Variants in CMIP observed in about 807,000 individuals in gnomAD.
CMIP encodes the protein c-Maf inducing protein.
In CMIP, 13 loss-of-function variants were observed where a neutral mutation model predicts 97.3. That is an observed-to-expected ratio of 0.13 (90% CI 0.09 to 0.21). The LOEUF (loss-of-function observed/expected upper bound fraction) is 0.21. Ranked by LOEUF, CMIP falls within the 10% of genes least tolerant of loss-of-function variation. The pLI is 1.00. For synonymous variants in CMIP, 538 were observed against 436.3 expected, an observed-to-expected ratio of 1.23 and a Z score of -2.91; for missense variants, 847 against 1,024.9, an observed-to-expected ratio of 0.83 and a Z score of 2.37.
At position 81,600,207 on chromosome 16, in the gene CMIP, C is replaced by T. The variant is rs567434147; in HGVS notation, c.301-7360C>T. ...GGCAGGAGAATCACTTGACGGGAGG[C>T]GGAGGTTGCAGTGAGCCAAGATCGC... On this transcript the variant is annotated intron_variant, in intron 1 of 20. Coordinates refer to ENST00000537098, the MANE Select transcript of CMIP (RefSeq NM_198390.3). Among the ~76,000 whole-genome samples, 47 of 133,502 alleles carry T rather than the reference C, an allele frequency of 3.5e-4. No homozygotes were observed. In the East Asian group the frequency reaches 6.5e-3, roughly 18 times the overall value. The allele number at this position is 133,502 out of a possible 152,430, so 87.6% of individuals were successfully genotyped here.
chr16:81,542,625 G>A (rs1567569388), intron 1 of CMIP, among the ~76,000 whole-genome samples: 2 of 152,192 alleles, frequency 1.3e-5, no homozygotes, highest in South Asian at 4.1e-4. Flanking sequence ...AGAGTTCCAG[G>A]TCAAGGTGCT....
intron 1 of CMIP, among the ~76,000 whole-genome samples, chr16:81,473,753 C>T (rs1033631778): frequency 1.3e-4 from 19 of 149,802 alleles, no homozygotes; most frequent in African/African-American, 4.2e-4. Context: ...AAGCTGCAAG[C>T]GGATGACCCA....
At chr16:81,681,160 A>C (rs1374132784) in intron 10 of CMIP, among the ~76,000 whole-genome samples, 1 of 152,138 alleles carries the variant, frequency 6.6e-6, no homozygotes, top group African/African-American at 2.4e-5. Context: ...GCCCTCCACA[A>C]AATGGGATTA....
At chr16:81,648,028 C>T (rs1274903001) in intron 3 of CMIP, among the ~76,000 whole-genome samples, 2 of 139,046 alleles carry the variant, frequency 1.4e-5, no homozygotes, top group Admixed American at 7.2e-5. Context: ...CCCGCAGAGC[C>T]GTAGCCCACC....
intron 1 of CMIP, among the ~76,000 whole-genome samples, chr16:81,592,099 C>T (rs931985555): frequency 2.6e-5 from 4 of 152,124 alleles, no homozygotes; most frequent in Admixed American, 2.6e-4. Flanking sequence ...GCCGGGATTA[C>T]AGGCATGAGC....
chr16:81,703,469 A>C (rs1188315982), intron 17 of CMIP, among the ~76,000 whole-genome samples: 1 of 152,034 alleles, frequency 6.6e-6, no homozygotes, highest in African/African-American at 2.4e-5. Flanking sequence ...CCTGATGCAC[A>C]GACACAGACA....
intron 1 of CMIP, among the ~76,000 whole-genome samples, chr16:81,550,122 G>T (rs2090624171): frequency 6.6e-6 from 1 of 152,184 alleles, no homozygotes; most frequent in African/African-American, 2.4e-5. Context: ...TACACACTGA[G>T]CACCCTGCCC....
chr16:81,490,869 G>C (rs1242477461), intron 1 of CMIP, among the ~76,000 whole-genome samples: 1 of 152,146 alleles, frequency 6.6e-6, no homozygotes, highest in Non-Finnish European at 1.5e-5. Flanking sequence ...CTTGAGATGG[G>C]GCAGGCATCG....
intron 3 of CMIP, among the ~76,000 whole-genome samples, chr16:81,626,241 ATGTG>A (rs1224488228): frequency 1.0e-5 from 1 of 98,786 alleles, no homozygotes; most frequent in Non-Finnish European, 2.5e-5. Context: ...GTAAGAGTGA[ATGTG>A]TGAGTGTGTG....
At position 81,471,636 on chromosome 16, in the gene CMIP, A is replaced by C. The variant is rs61237924; in HGVS notation, c.300+26095A>C. Among the ~76,000 whole-genome samples, 49 of 152,342 alleles carry C rather than the reference A, an allele frequency of 3.2e-4. 1 individual carries two copies. In the South Asian group the frequency reaches 0.01, roughly 32 times the overall value. The stretch of plus-strand genomic sequence containing the variant: ...TCTCATCCTTGGGGGATATGTGTCA[A>C]GATTCCCAGTAGATGCCTGAAATGG... On this transcript the variant is annotated intron_variant, in intron 1 of 20. Transcript: ENST00000537098.
rs139318944 is a variant in CMIP, at chr16:81,668,463, G to A, written c.826-1679G>A. Among the ~76,000 whole-genome samples, 497 of 152,278 alleles carry A rather than the reference G, an allele frequency of 3.3e-3. 1 individual carries two copies. Among genetic ancestry groups the A allele is most frequent in the Non-Finnish European group, 4.2e-3 (285 of 68,008 alleles). On this transcript the variant is annotated intron_variant, in intron 7 of 20. Coordinates refer to ENST00000537098, the MANE Select transcript of CMIP (RefSeq NM_198390.3). ...GCTGGGCGCCGACTTCCTGCCTCCT[G>A]GCAGAGCTCTCTGTGCCGTGGCCCC...
At chr16:81,482,789 A>G (rs117694509) in intron 1 of CMIP, among the ~76,000 whole-genome samples, 149 of 152,326 alleles carry the variant, frequency 9.8e-4, no homozygotes, top group Non-Finnish European at 1.7e-3. Context: ...ACTCCACCAC[A>G]TCCTAAGCTG....
At chr16:81,643,884 G>C (rs2092334183) in intron 3 of CMIP, among the ~76,000 whole-genome samples, 1 of 152,186 alleles carries the variant, frequency 6.6e-6, no homozygotes. Flanking sequence ...TGTATATAGT[G>C]ATGGCAGCCC....
chr16:81,524,233 A>G (rs561951789), intron 1 of CMIP, among the ~76,000 whole-genome samples: 22 of 152,206 alleles, frequency 1.4e-4, no homozygotes, highest in Non-Finnish European at 2.2e-4. Context: ...GATTCTCTCA[A>G]TTGCTCAGCA....
intron 1 of CMIP, among the ~76,000 whole-genome samples, chr16:81,524,289 T>C (rs551811571): frequency 6.6e-6 from 1 of 152,208 alleles, no homozygotes; most frequent in Non-Finnish European, 1.5e-5. Flanking sequence ...GGGGGTAACA[T>C]GGCACATGAA....
rs1035139411 is a variant in CMIP at position 81,673,404 on chromosome 16, T to C, written c.1034+1334T>C. ...ATGGTGGTACATGACTGTACTCAGC[T>C]ACTCAGGAGGCTGAGGCGGGAGAAT... On this transcript the variant is annotated intron_variant, in intron 9 of 20. Coordinates refer to ENST00000537098, the MANE Select transcript of CMIP (RefSeq NM_198390.3). Among the ~76,000 whole-genome samples the C allele has an allele frequency of 2.7e-4, 41 of 152,278 alleles. 1 individual carries two copies. The highest frequency in any genetic ancestry group is 2.4e-3 in the Admixed American group (37 of 15,296).
intron 1 of CMIP, among the ~76,000 whole-genome samples, chr16:81,604,594 G>A (rs1029223758): frequency 2.2e-4 from 33 of 152,064 alleles, no homozygotes; most frequent in African/African-American, 7.7e-4. Flanking sequence ...TCAGCTTCTC[G>A]GGAGGCTGAG....
At chr16:81,551,225 ACACACACCCCAGTTTCAT>A (rs1408394821) in intron 1 of CMIP, among the ~76,000 whole-genome samples, 1 of 151,650 alleles carries the variant, frequency 6.6e-6, no homozygotes, top group Non-Finnish European at 1.5e-5. Context: ...CAGTTCCATC[ACACACACCCCAGTTTCAT>A]CACACACCCC....
chr16:81,573,312 C>G (rs990592302), intron 1 of CMIP, among the ~76,000 whole-genome samples: 2 of 151,390 alleles, frequency 1.3e-5, no homozygotes, highest in African/African-American at 4.9e-5. Flanking sequence ...TCACTGCACT[C>G]CAGCCTGGAC....
Sources: allele counts gnomAD v4.1 joint callset (sites outside exome capture counted in the v4.1 genomes callset), GRCh38; gene constraint gnomAD v4.1.1; transcripts MANE v1.5; gene names NCBI Gene and HGNC (gene_info 2026-07-23, HGNC 2026-07-21).